NEB: variants seen among roughly 807,000 people sequenced by gnomAD.
NEB encodes the protein nebulin.
A neutral mutation model predicts 952.2 loss-of-function variants in NEB; 512 were observed. The ratio of observed to expected loss-of-function variants is 0.54; its 90% CI spans 0.50 to 0.58. NEB has a LOEUF of 0.58. Ranked by LOEUF, NEB falls within the 20% of genes least tolerant of loss-of-function variation. The pLI, the probability that NEB is intolerant of heterozygous loss-of-function variation, is 0.00. For synonymous variants in NEB, 2,900 were observed against 3,149.8 expected, an observed-to-expected ratio of 0.92 and a Z score of 2.66; for missense variants, 8,428 against 9,231.1, an observed-to-expected ratio of 0.91 and a Z score of 3.56.
intron 54 of NEB, among the ~76,000 whole-genome samples, chr2:151,648,808 G>A (rs1354636479): frequency 6.6e-6 from 1 of 152,194 alleles, no homozygotes; most frequent in African/African-American, 2.4e-5. Context: ...AATGGCATGT[G>A]CCACTTTCAC....
rs1208197035 is a variant in NEB, at chr2:151,619,615, T to C, written c.10708A>G (p.Thr3570Ala). 6 of 1,613,886 alleles carry C rather than the reference T, an allele frequency of 3.7e-6. No homozygotes were observed. Among genetic ancestry groups the C allele is most frequent in the Non-Finnish European group, 5.1e-6 (6 of 1,179,884 alleles). The change falls in exon 73 of 182, where the codon ACA (threonine) becomes GCA (alanine). Residue 3570 changes from threonine to alanine, a missense_variant. Thr to Ala is a moderately conservative substitution (Grantham distance 58). Around this residue, in one of 11 missense-constraint regions of NEB, gnomAD observed 1,772 missense variants for 1,960.3 expected, o/e 0.90. Transcript: ENST00000397345. ...ATGTCCACTGGGCTGCTGTACCTTG[T>C]CTTGTATTTCTCAAAATCTTTCTTG... ...EYKKDFEKYKTRYSSPVDMLG... is the reference protein window; with the variant it reads ...EYKKDFEKYKARYSSPVDMLG...
intron 176 of NEB, chr2:151,493,097 CA>C (rs932566215): frequency 2.5e-6 from 1 of 399,812 alleles, no homozygotes; most frequent in African/African-American, 2.1e-5. Flanking sequence ...GGAAGGAAAA[CA>C]TTGGCAATTA....
intron 49 of NEB, 36 bp from the exon 50 acceptor site, chr2:151,656,059 T>A: frequency 6.2e-7 from 1 of 1,602,702 alleles, no homozygotes; most frequent in Non-Finnish European, 8.5e-7. Context: ...CTTTATCTTA[T>A]CCATTTAGAC....
At chr2:151,569,502 C>A (rs562443128) in intron 109 of NEB, 130 bp from the exon 110 acceptor site, 4 of 705,152 alleles carry the variant, frequency 5.7e-6, no homozygotes, top group South Asian at 3.2e-5. Context: ...CAAGCAGCCA[C>A]GCAGGTAATG....
At chr2:151,507,038 G>T in intron 162 of NEB, 25 bp from the exon 163 acceptor site, 2 of 1,361,568 alleles carry the variant, frequency 1.5e-6, no homozygotes, top group Non-Finnish European at 2.1e-6. Context: ...TAAACATCTT[G>T]TTAAGATTTC....
chr2:151,657,047 C>T (rs1186825405), intron 48 of NEB, among the ~76,000 whole-genome samples: 1 of 152,112 alleles, frequency 6.6e-6, no homozygotes, highest in East Asian at 1.9e-4. Flanking sequence ...TATTTATCAT[C>T]CCAACTTTCT....
chr2:151,569,328 C>T lies in NEB; in HGVS notation c.17475G>A (p.Trp5825Ter). 6.2e-7 allele frequency: 1 copy of T among 1,613,898 alleles called. No individual in the cohort carries two copies. Among genetic ancestry groups the T allele is most frequent in the Non-Finnish European group, 8.5e-7 (1 of 1,179,826 alleles). ...ADLEWLRGIG[W>*]MPNDSVSVNH... ...TGACGGACACGGAGTCATTTGGCAT[C>T]CACCCAATTCCACGCAACCATTCCA... Residue 5825 changes from tryptophan to a stop codon, truncating the protein, a stop_gained, in exon 110 of 182, where the codon TGG becomes TGA. Transcript: ENST00000397345. LOFTEE classifies it high-confidence loss of function.
At chr2:151,512,642 C>T in intron 161 of NEB, 91 bp downstream of exon 161, 3 of 953,348 alleles carry the variant, frequency 3.1e-6, no homozygotes, top group Non-Finnish European at 3.3e-6. Flanking sequence ...AAAAACTGAT[C>T]TGAAGAATCT....
At chr2:151,534,437 C>G (rs2092645064) in intron 142 of NEB, 5 of 794,818 alleles carry the variant, frequency 6.3e-6, no homozygotes, top group Non-Finnish European at 1.1e-5. Flanking sequence ...GGGCTCCCAA[C>G]ATACCCAAGA....
chr2:151,632,263 C>T lies in NEB; in HGVS notation c.9415-917G>A, dbSNP rs576011710. ...GTTTGGCTCATTGGAAAGATTTCAC[C>T]TGTCACAGAAACTAAGTAGAAAATA... is the stretch of plus-strand genomic sequence containing the variant. On this transcript the variant is annotated intron_variant, in intron 65 of 181. Coordinates refer to ENST00000397345, the MANE Select transcript of NEB (RefSeq NM_001164508.2). Among the ~76,000 whole-genome samples, 7 of 151,272 alleles carry T rather than the reference C, an allele frequency of 4.6e-5. 1 individual carries two copies. In the South Asian group the frequency reaches 1.5e-3, roughly 31 times the overall value.
At position 151,493,504 on chromosome 2, in the gene NEB, A is replaced by G. The variant is rs1236472495; in HGVS notation, c.24673-59T>C. Reference sequence around the variant, plus strand: ...CAGCAGAAAACCAGGTCTGAAAATCATCACTTAGCTGGTGTTATGGCTCAT... The same window carrying G: ...CAGCAGAAAACCAGGTCTGAAAATCGTCACTTAGCTGGTGTTATGGCTCAT... On this transcript the variant is annotated intron_variant, in intron 175 of 181. Coordinates refer to ENST00000397345, the MANE Select transcript of NEB (RefSeq NM_001164508.2). 8 of 1,128,732 alleles carry G rather than the reference A, an allele frequency of 7.1e-6. No individual in the cohort carries two copies. In the Admixed American group the frequency reaches 7.2e-5, roughly 10 times the overall value. 69.9% of individuals were successfully genotyped at this position (1,128,732 alleles called of 1,614,324 possible).
At chr2:151,663,312 G>A (rs193038729) in intron 45 of NEB, among the ~76,000 whole-genome samples, 2 of 152,146 alleles carry the variant, frequency 1.3e-5, no homozygotes, top group East Asian at 3.9e-4. Flanking sequence ...TTGCTGTTGT[G>A]GAATTCAGAA....
Position 151,494,270 on chromosome 2 carries a change from G to A in NEB, c.24487-17C>T, listed in dbSNP as rs890503491. 6 of 1,527,344 alleles carry A rather than the reference G, an allele frequency of 3.9e-6. No homozygotes were observed. The African/African-American group carries it at 4.1e-5, about 11-fold the overall frequency. The allele number at this position is 1,527,344 out of a possible 1,614,324, so 94.6% of individuals were successfully genotyped here. Reference sequence around the variant, plus strand: ...GTACAAAACCTATGGGAATCCAATGGGTCCAAAAAGCCAAAAAGAAAAAGA... The same window carrying A: ...GTACAAAACCTATGGGAATCCAATGAGTCCAAAAAGCCAAAAAGAAAAAGA... On this transcript the variant is annotated splice_polypyrimidine_tract_variant and intron_variant, in intron 173 of 181. Transcript: ENST00000397345.
chr2:151,670,604 G>T (rs1463748122), intron 38 of NEB, among the ~76,000 whole-genome samples: 1 of 152,142 alleles, frequency 6.6e-6, no homozygotes, highest in Non-Finnish European at 1.5e-5. Context: ...TTGCCTCTCA[G>T]AACATGGAGC....
intron 46 of NEB, among the ~76,000 whole-genome samples, 154 bp from the exon 47 acceptor site, chr2:151,659,323 G>A (rs2099120699): frequency 6.6e-6 from 1 of 152,042 alleles, no homozygotes. Context: ...TTGAGACAGA[G>A]TCTTGCGCTG....
intron 36 of NEB, among the ~76,000 whole-genome samples, chr2:151,674,060 G>C (rs998403690): frequency 7.2e-5 from 11 of 152,114 alleles, no homozygotes; most frequent in African/African-American, 2.7e-4. Flanking sequence ...TCCTAAAAAA[G>C]TGGACTTTTC....
chr2:151,555,115 A>C, intron 124 of NEB, 71 bp from the exon 125 acceptor site: 1 of 1,122,310 alleles, frequency 8.9e-7, no homozygotes, highest in Non-Finnish European at 1.3e-6. Flanking sequence ...AAACAGCATA[A>C]GACTTAATGG....
At chr2:151,547,944 T>C (rs2094912277) in intron 131 of NEB, among the ~76,000 whole-genome samples, 1 of 152,212 alleles carries the variant, frequency 6.6e-6, no homozygotes, top group South Asian at 2.1e-4. Context: ...CCACTTTCTA[T>C]CAGATGGTTG....
chr2:151,612,408 C>A lies in NEB; in HGVS notation c.11602-19G>T. On this transcript the variant is annotated intron_variant, in intron 77 of 181. Transcript: ENST00000397345. Reference sequence around the variant, plus strand: ...AAATAGCCTGAAAATGAAATAATGTCAAATATTTATAGATGTCACCTAGAC... The same window carrying A: ...AAATAGCCTGAAAATGAAATAATGTAAAATATTTATAGATGTCACCTAGAC... 6.2e-7 allele frequency: 1 copy of A among 1,603,826 alleles called. No homozygotes were observed. Among genetic ancestry groups the A allele is most frequent in the South Asian group, 1.1e-5 (1 of 90,614 alleles).
Sources: allele counts gnomAD v4.1 joint callset (sites outside exome capture counted in the v4.1 genomes callset), GRCh38; gene constraint gnomAD v4.1.1; regional missense constraint gnomAD v4.1.1; transcripts MANE v1.5; gene names NCBI Gene and HGNC (gene_info 2026-07-23, HGNC 2026-07-21).